SUCLG2: variants seen among roughly 807,000 people sequenced by gnomAD.
SUCLG2 encodes succinate-CoA ligase GDP-forming subunit beta, also known as succinate--CoA ligase [GDP-forming] subunit beta, mitochondrial.
In SUCLG2, 42 loss-of-function variants were observed where a neutral mutation model predicts 47.9. That is an observed-to-expected ratio of 0.88 (90% CI 0.69 to 1.14). SUCLG2 has a LOEUF of 1.14. Ranked by LOEUF, SUCLG2 falls within the 50% of genes most tolerant of loss-of-function variation. The pLI is 0.00. For synonymous variants in SUCLG2, 195 were observed against 197.3 expected (o/e 0.99, Z 0.10); for missense variants, 571 against 525.9 (o/e 1.09, Z -0.84).
Position 67,392,259 on chromosome 3 carries a change from C to T in SUCLG2, c.1183+8472G>A, listed in dbSNP as rs181117904. Among the ~76,000 whole-genome samples, 919 of 152,266 alleles carry T rather than the reference C, an allele frequency of 6.0e-3. 3 individuals are homozygous for T. The highest frequency in any genetic ancestry group is 0.021 in the African/African-American group (869 of 41,544). On this transcript the variant is annotated intron_variant, in intron 10 of 10. Transcript: ENST00000307227. ...CCTGCCTTATCACTCGCATCCTCTC[C>T]ACCTTTTCCCTGCAGAACCCCCTTG...
chr3:67,406,964 C>A (rs1001656278), intron 9 of SUCLG2, among the ~76,000 whole-genome samples: 4 of 152,088 alleles, frequency 2.6e-5, no homozygotes, highest in African/African-American at 9.7e-5. Flanking sequence ...ACATGCAGGG[C>A]AGTTAGGAAT....
chr3:67,408,655 C>T (rs1702868792), intron 9 of SUCLG2: 2 of 1,094,298 alleles, frequency 1.8e-6, no homozygotes, highest in African/African-American at 1.6e-5. Flanking sequence ...CTATTCTCTT[C>T]TTCCTAAATT....
chr3:67,417,046 T>A (rs9826019), intron 9 of SUCLG2, among the ~76,000 whole-genome samples: 2 of 151,882 alleles, frequency 1.3e-5, no homozygotes, highest in East Asian at 3.9e-4. Context: ...TTTGATTCTC[T>A]GAAAAGAAAG....
intron 2 of SUCLG2, among the ~76,000 whole-genome samples, chr3:67,603,639 A>G (rs746453298): frequency 3.7e-4 from 57 of 152,162 alleles, no homozygotes; most frequent in South Asian, 2.1e-4. Flanking sequence ...TTGAAACGCA[A>G]TTTTCTTGCT....
chr3:67,565,331 C>T (rs762883408), intron 2 of SUCLG2, among the ~76,000 whole-genome samples: 1 of 152,122 alleles, frequency 6.6e-6, no homozygotes, highest in Non-Finnish European at 1.5e-5. Flanking sequence ...ACAATATAGT[C>T]TTCTTTTAAA....
chr3:67,564,015 G>A (rs1575781518), intron 2 of SUCLG2, among the ~76,000 whole-genome samples: 2 of 151,588 alleles, frequency 1.3e-5, no homozygotes, highest in South Asian at 4.2e-4. Flanking sequence ...AGTTGTCCCT[G>A]AAGCTCTCTT....
intron 2 of SUCLG2, among the ~76,000 whole-genome samples, chr3:67,576,344 T>C (rs977371593): frequency 1.3e-5 from 2 of 151,782 alleles, no homozygotes; most frequent in Admixed American, 6.6e-5. Flanking sequence ...AGGATTTGTA[T>C]AAAGCAAATC....
chr3:67,398,416 A>G (rs1210932959), intron 10 of SUCLG2, among the ~76,000 whole-genome samples: 6 of 151,808 alleles, frequency 4.0e-5, no homozygotes, highest in African/African-American at 1.5e-4. Context: ...AGACACATGA[A>G]AAAATGCTCA....
chr3:67,387,648 T>A (rs1702289565), intron 10 of SUCLG2, among the ~76,000 whole-genome samples: 1 of 152,188 alleles, frequency 6.6e-6, no homozygotes, highest in African/African-American at 2.4e-5. Flanking sequence ...ATTAAGTGAT[T>A]TTTATAATAC....
chr3:67,397,017 G>C (rs1262731520), intron 10 of SUCLG2, among the ~76,000 whole-genome samples: 1 of 151,168 alleles, frequency 6.6e-6, no homozygotes, highest in Admixed American at 6.6e-5. Context: ...TTGATGGGAC[G>C]TATCTCAAAA....
chr3:67,509,676 G>A (rs1401403790), intron 6 of SUCLG2, among the ~76,000 whole-genome samples: 1 of 152,132 alleles, frequency 6.6e-6, no homozygotes, highest in African/African-American at 2.4e-5. Context: ...GAAAGCTCCT[G>A]GCAATAACAA....
At chr3:67,522,354 A>G (rs1706131611) in intron 4 of SUCLG2, among the ~76,000 whole-genome samples, 1 of 151,890 alleles carries the variant, frequency 6.6e-6, no homozygotes, top group Non-Finnish European at 1.5e-5. Context: ...CTGCTGACAG[A>G]CATTTACATG....
intron 2 of SUCLG2, among the ~76,000 whole-genome samples, chr3:67,587,678 GA>G (rs762611299): frequency 6.6e-6 from 1 of 151,600 alleles, no homozygotes; most frequent in Non-Finnish European, 1.5e-5. Context: ...TGTACTGAAA[GA>G]AAAAAAATAA....
intron 1 of SUCLG2, among the ~76,000 whole-genome samples, chr3:67,647,701 T>C (rs1701216162): frequency 6.6e-6 from 1 of 152,136 alleles, no homozygotes; most frequent in Admixed American, 6.5e-5. Flanking sequence ...GATGGTACAA[T>C]TAAGCTCCCC....
intron 2 of SUCLG2, among the ~76,000 whole-genome samples, chr3:67,534,570 A>C (rs1706487481): frequency 6.6e-6 from 1 of 151,764 alleles, no homozygotes. Context: ...GTTGGTGATA[A>C]AATTTTTAAA....
At chr3:67,470,792 C>T (rs1185740095) in intron 9 of SUCLG2, among the ~76,000 whole-genome samples, 1 of 152,198 alleles carries the variant, frequency 6.6e-6, no homozygotes, top group Non-Finnish European at 1.5e-5. Context: ...TTTGTTATAG[C>T]CGCAGAAAAT....
intron 9 of SUCLG2, among the ~76,000 whole-genome samples, chr3:67,412,198 C>A (rs1163258801): frequency 2.6e-5 from 4 of 152,172 alleles, no homozygotes; most frequent in East Asian, 1.9e-4. Context: ...TTAGAAACTA[C>A]ATTGGCAGAG....
downstream of SUCLG2, among the ~76,000 whole-genome samples, chr3:67,373,191 A>C (rs1701976210): frequency 6.6e-6 from 1 of 152,186 alleles, no homozygotes; most frequent in African/African-American, 2.4e-5. Flanking sequence ...TACTTTAGTA[A>C]TGTGAAAAAA....
chr3:67,610,667 G>A (rs1276561864), intron 1 of SUCLG2, among the ~76,000 whole-genome samples: 1 of 152,150 alleles, frequency 6.6e-6, no homozygotes, highest in Non-Finnish European at 1.5e-5. Context: ...CACAAGACTG[G>A]TAGTACATGG....
Sources: allele counts gnomAD v4.1 joint callset (sites outside exome capture counted in the v4.1 genomes callset), GRCh38; gene constraint gnomAD v4.1.1; transcripts MANE v1.5; gene names NCBI Gene and HGNC (gene_info 2026-07-23, HGNC 2026-07-21).